PHACTR3: variants seen among roughly 807,000 people sequenced by gnomAD.
PHACTR3 encodes protein phosphatase 1, regulatory subunit 123.
In PHACTR3, 16 loss-of-function variants were observed where a neutral mutation model predicts 66.8. The observed-to-expected ratio is 0.24, with a 90% CI of 0.16 to 0.36. The LOEUF (loss-of-function observed/expected upper bound fraction) is 0.36, where lower values mean the gene tolerates loss of function less well. Ranked by LOEUF, PHACTR3 falls within the 10% of genes least tolerant of loss-of-function variation. PHACTR3 has a pLI of 1.00. For missense variants in PHACTR3, 647 were observed against 719.9 expected (o/e 0.90, Z 1.16); for synonymous variants, 323 against 292.1 (o/e 1.11, Z -1.08).
intron 1 of PHACTR3, among the ~76,000 whole-genome samples, chr20:59,675,035 T>C: frequency 1.0e-5 from 1 of 96,126 alleles, no homozygotes; most frequent in Admixed American, 1.3e-4. Flanking sequence ...TCCCTGTTCC[T>C]CCCCCTTCTC....
chr20:59,841,471 C>G lies in PHACTR3; in HGVS notation c.1523C>G (p.Ala508Gly). The G allele has an allele frequency of 6.2e-7, 1 of 1,613,540 alleles. No homozygotes were observed. Among genetic ancestry groups the G allele is most frequent in the Non-Finnish European group, 8.5e-7 (1 of 1,179,686 alleles). ...LIRFSDYVEV[A>G]KAQDYDRRAD... The stretch of plus-strand genomic sequence containing the variant: ...CGATTCAGTGATTACGTGGAAGTAG[C>G]AAAAGCGCAGGACTATGACAGGAGG... The change falls in exon 11 of 13, where the codon GCA becomes GGA. Residue 508 changes from alanine (A) to glycine (G), a missense_variant. Coordinates refer to ENST00000371015, the MANE Select transcript of PHACTR3 (RefSeq NM_080672.5).
intron 9 of PHACTR3, 123 bp downstream of exon 9, chr20:59,836,683 C>A: frequency 2.3e-6 from 2 of 878,012 alleles, no homozygotes; most frequent in Non-Finnish European, 3.5e-6. Flanking sequence ...CCCAGTAAAC[C>A]TGAGCTGCTG....
At chr20:59,683,358 A>C (rs747341258) in intron 1 of PHACTR3, among the ~76,000 whole-genome samples, 24 of 152,326 alleles carry the variant, frequency 1.6e-4, no homozygotes, top group Non-Finnish European at 2.5e-4. Context: ...GTTTGGGCTG[A>C]AGCTGTGCAT....
chr20:59,825,594 C>G (rs964095011), intron 8 of PHACTR3, among the ~76,000 whole-genome samples: 1 of 152,166 alleles, frequency 6.6e-6, no homozygotes, highest in Non-Finnish European at 1.5e-5. Flanking sequence ...GCCATGAAGG[C>G]CACAAAATAC....
chr20:59,648,641 T>A (rs2035362050), intron 1 of PHACTR3, among the ~76,000 whole-genome samples: 1 of 152,236 alleles, frequency 6.6e-6, no homozygotes, highest in South Asian at 2.1e-4. Context: ...TTCTTCCCAG[T>A]CCAGGCTTAC....
chr20:59,828,115 T>C (rs568894974), intron 8 of PHACTR3, among the ~76,000 whole-genome samples: 1 of 152,354 alleles, frequency 6.6e-6, no homozygotes, highest in South Asian at 2.1e-4. Flanking sequence ...CTGTTTATGA[T>C]GACCTGAGCC....
Position 59,829,602 on chromosome 20 carries a change from G to A in PHACTR3, c.1329-6903G>A, listed in dbSNP as rs1455688645. ...CGTCGTGTGAATGGTGTGTGGAGAC[G>A]CTGCCTCGCTGGGGAATCCCATCTC... is the stretch of plus-strand genomic sequence containing the variant. On this transcript the variant is annotated intron_variant, in intron 8 of 12. Transcript: ENST00000371015. This position sits in a 1 kb window ranked among gnomAD's most constrained non-coding sequence, Gnocchi z 4.2. Among the ~76,000 whole-genome samples the A allele has an allele frequency of 1.3e-5, 2 of 152,066 alleles. No individual in the cohort carries two copies. Among genetic ancestry groups the A allele is most frequent in the South Asian group, 4.1e-4 (2 of 4,824 alleles).
chr20:59,774,819 A>C (rs1439230500), intron 7 of PHACTR3, among the ~76,000 whole-genome samples: 1 of 152,076 alleles, frequency 6.6e-6, no homozygotes, highest in Non-Finnish European at 1.5e-5. Flanking sequence ...ACCCCTGAGG[A>C]TGCTGTGGCG....
At chr20:59,670,581 A>T (rs2036153443) in intron 1 of PHACTR3, among the ~76,000 whole-genome samples, 1 of 87,102 alleles carries the variant, frequency 1.1e-5, no homozygotes, top group South Asian at 4.3e-4. Context: ...TGGAGGGTAA[A>T]TGAGGACAGG....
intron 8 of PHACTR3, among the ~76,000 whole-genome samples, chr20:59,827,971 TC>T (rs2042243643): frequency 6.6e-6 from 1 of 152,168 alleles, no homozygotes; most frequent in Admixed American, 6.5e-5. Flanking sequence ...CAACTGGAGC[TC>T]CTGCTGTATT....
chr20:59,833,281 C>T (rs1195511455), intron 8 of PHACTR3, among the ~76,000 whole-genome samples: 4 of 152,220 alleles, frequency 2.6e-5, no homozygotes, highest in Non-Finnish European at 5.9e-5. Flanking sequence ...GGACCACTAC[C>T]AGACTGCCTC....
chr20:59,827,525 C>G (rs1323528390), intron 8 of PHACTR3, among the ~76,000 whole-genome samples: 1 of 152,144 alleles, frequency 6.6e-6, no homozygotes, highest in Non-Finnish European at 1.5e-5. Context: ...AGCGGCCTGG[C>G]TAGCCCCCTC....
At chr20:59,698,710 A>G (rs143500480) in intron 1 of PHACTR3, among the ~76,000 whole-genome samples, 61 of 152,306 alleles carry the variant, frequency 4.0e-4, no homozygotes, top group African/African-American at 1.4e-3. Flanking sequence ...TTTGCTCTGT[A>G]AAGCAATTTT....
chr20:59,747,295 A>G (rs1015084399), intron 2 of PHACTR3, among the ~76,000 whole-genome samples: 1 of 152,224 alleles, frequency 6.6e-6, no homozygotes, highest in Non-Finnish European at 1.5e-5. Context: ...AGAGCCGCAC[A>G]GGAGAATCTC....
chr20:59,670,761 T>C (rs1178434101), intron 1 of PHACTR3, among the ~76,000 whole-genome samples: 2 of 152,194 alleles, frequency 1.3e-5, no homozygotes, highest in African/African-American at 2.4e-5. Context: ...GCCTGCTCCA[T>C]GTTCCATCTT....
intron 1 of PHACTR3, among the ~76,000 whole-genome samples, chr20:59,668,424 C>T (rs1169561606): frequency 6.6e-6 from 1 of 152,190 alleles, no homozygotes; most frequent in Non-Finnish European, 1.5e-5. Context: ...GCTCCAGGCT[C>T]TTCCTCCTGC....
chr20:59,624,259 C>T (rs1324469154), intron 1 of PHACTR3, among the ~76,000 whole-genome samples: 2 of 152,146 alleles, frequency 1.3e-5, no homozygotes, highest in African/African-American at 4.8e-5. Flanking sequence ...TGGCTGCATC[C>T]TACAGCCCCT....
intron 1 of PHACTR3, among the ~76,000 whole-genome samples, chr20:59,724,263 G>C (rs1465408286): frequency 6.6e-6 from 1 of 152,136 alleles, no homozygotes; most frequent in African/African-American, 2.4e-5. Flanking sequence ...GCATGAAGGA[G>C]GAAATGATTT....
At chr20:59,652,468 T>C (rs766298874) in intron 1 of PHACTR3, among the ~76,000 whole-genome samples, 2 of 152,186 alleles carry the variant, frequency 1.3e-5, no homozygotes, top group Admixed American at 6.5e-5. Flanking sequence ...GGAGGATCCA[T>C]TGAGCCCTAA....
Sources: allele counts gnomAD v4.1 joint callset (sites outside exome capture counted in the v4.1 genomes callset), GRCh38; gene constraint gnomAD v4.1.1; non-coding constraint Gnocchi (gnomAD v3.1); transcripts MANE v1.5; gene names NCBI Gene and HGNC (gene_info 2026-07-23, HGNC 2026-07-21).